The following GALNTL6 variants were observed in gnomAD, a reference collection of about 807,000 sequenced individuals.
GALNTL6 encodes the protein polypeptide N-acetylgalactosaminyltransferase like 6.
GALNTL6 carries 46 observed loss-of-function variants against 73.7 expected under a neutral mutation model. The observed-to-expected ratio is 0.62, with a 90% confidence interval of 0.49 to 0.80. GALNTL6 has a LOEUF of 0.80. Ranked by LOEUF, GALNTL6 falls within the 30% of genes least tolerant of loss-of-function variation. The pLI is 0.00. For synonymous variants in GALNTL6, 259 were observed against 263.7 expected, an observed-to-expected ratio of 0.98 and a Z score of 0.17; for missense variants, 604 against 755.0, an observed-to-expected ratio of 0.80 and a Z score of 2.34.
At chr4:172,994,252 A>C (rs1751675027) in intron 10 of GALNTL6, among the ~76,000 whole-genome samples, 1 of 152,186 alleles carries the variant, frequency 6.6e-6, no homozygotes, top group Non-Finnish European at 1.5e-5. Flanking sequence ...AATATCAATC[A>C]GTTTTCCCTA....
intron 2 of GALNTL6, among the ~76,000 whole-genome samples, chr4:172,025,805 ATGTT>A (rs2110810200): frequency 6.6e-6 from 1 of 151,288 alleles, no homozygotes; most frequent in South Asian, 2.1e-4. Context: ...GTGTGTGTGT[ATGTT>A]TGTGTGTGTG....
intron 5 of GALNTL6, among the ~76,000 whole-genome samples, chr4:172,378,042 G>A (rs2111274522): frequency 6.6e-6 from 1 of 152,134 alleles, no homozygotes; most frequent in East Asian, 1.9e-4. Flanking sequence ...GGATGCTGAG[G>A]CCGCTAAGCA....
chr4:172,863,073 A>G (rs1744480126), intron 7 of GALNTL6, among the ~76,000 whole-genome samples: 2 of 152,236 alleles, frequency 1.3e-5, no homozygotes, highest in South Asian at 4.1e-4. Flanking sequence ...AGAAGTCAAG[A>G]ACTCAGGTTT....
chr4:172,480,281 C>A (rs573054762), intron 5 of GALNTL6, among the ~76,000 whole-genome samples: 1 of 152,002 alleles, frequency 6.6e-6, no homozygotes, highest in South Asian at 2.1e-4. Flanking sequence ...CCACTGTACT[C>A]CAGCCTAGGC....
At chr4:172,526,184 T>C (rs1480086996) in intron 5 of GALNTL6, among the ~76,000 whole-genome samples, 1 of 152,212 alleles carries the variant, frequency 6.6e-6, no homozygotes, top group African/African-American at 2.4e-5. Context: ...AGCTTCCTAT[T>C]TATATATTTA....
intron 5 of GALNTL6, among the ~76,000 whole-genome samples, chr4:172,635,792 T>C (rs1013974018): frequency 1.3e-5 from 2 of 152,208 alleles, no homozygotes; most frequent in African/African-American, 4.8e-5. Flanking sequence ...TTATATCCAA[T>C]AACATTTCTG....
At chr4:172,125,617 T>C (rs7676263) in intron 2 of GALNTL6, among the ~76,000 whole-genome samples, 151,988 of 152,344 alleles carry the variant, frequency 1, 75,818 homozygotes, top group Middle Eastern at 1. Flanking sequence ...CCATCACTTA[T>C]TCAGACATTC....
intron 8 of GALNTL6, among the ~76,000 whole-genome samples, chr4:172,918,156 G>A (rs182677094): frequency 5.7e-4 from 86 of 152,154 alleles, no homozygotes; most frequent in African/African-American, 1.8e-3. Flanking sequence ...ACCAAACACC[G>A]CATGCTCTCA....
intron 5 of GALNTL6, among the ~76,000 whole-genome samples, chr4:172,699,841 T>C (rs1055063031): frequency 1.3e-4 from 20 of 152,206 alleles, no homozygotes; most frequent in Non-Finnish European, 2.9e-5. Flanking sequence ...TTTGTTTTCT[T>C]TTTCTCAGTA....
chr4:172,525,600 CACTT>C (rs1734923942), intron 5 of GALNTL6, among the ~76,000 whole-genome samples: 1 of 152,128 alleles, frequency 6.6e-6, no homozygotes. Flanking sequence ...CAGTGACTAA[CACTT>C]ACAATCCCAG....
chr4:172,639,067 T>C (rs563037266), intron 5 of GALNTL6, among the ~76,000 whole-genome samples: 23 of 152,258 alleles, frequency 1.5e-4, no homozygotes, highest in Non-Finnish European at 5.9e-5. Context: ...ACTTTGATCA[T>C]TTGGTCAAGG....
intron 2 of GALNTL6, among the ~76,000 whole-genome samples, chr4:171,853,444 CT>C (rs1449896312): frequency 6.6e-6 from 1 of 151,250 alleles, no homozygotes; most frequent in African/African-American, 2.4e-5. Flanking sequence ...TTCTTCCCTT[CT>C]TTTACTATGT....
chr4:172,245,093 A>T (rs1737576943), intron 3 of GALNTL6, among the ~76,000 whole-genome samples: 1 of 152,184 alleles, frequency 6.6e-6, no homozygotes, highest in Non-Finnish European at 1.5e-5. Flanking sequence ...AGGGATTGGA[A>T]TACAAATTAT....
intron 8 of GALNTL6, among the ~76,000 whole-genome samples, chr4:172,904,441 T>C (rs1746779391): frequency 6.6e-6 from 1 of 152,172 alleles, no homozygotes; most frequent in Non-Finnish European, 1.5e-5. Context: ...GAGGTTAATT[T>C]CCTACTTGCT....
intron 8 of GALNTL6, among the ~76,000 whole-genome samples, chr4:172,896,879 T>C (rs1388891599): frequency 6.6e-6 from 1 of 151,904 alleles, no homozygotes; most frequent in Non-Finnish European, 1.5e-5. Flanking sequence ...CTGGGCCTCC[T>C]AGAGATCTGC....
intron 2 of GALNTL6, among the ~76,000 whole-genome samples, chr4:172,011,738 C>A (rs1225422947): frequency 1.7e-4 from 26 of 151,766 alleles, no homozygotes; most frequent in Admixed American, 1.6e-3. Context: ...GGAAAAAGGT[C>A]ATTTGAAGAA....
chr4:173,032,190 C>T (rs1281210989), intron 12 of GALNTL6, among the ~76,000 whole-genome samples: 15 of 152,240 alleles, frequency 9.9e-5, no homozygotes, highest in Non-Finnish European at 5.9e-5. Flanking sequence ...TGGCTCACGC[C>T]TGTAATCCCA....
chr4:172,690,510 A>C (rs1162627536), intron 5 of GALNTL6, among the ~76,000 whole-genome samples: 1 of 152,202 alleles, frequency 6.6e-6, no homozygotes, highest in East Asian at 1.9e-4. Context: ...AACAATAAAA[A>C]ACAAATAAGG....
At chr4:172,128,363 C>T (rs1322272847) in intron 2 of GALNTL6, among the ~76,000 whole-genome samples, 2 of 151,998 alleles carry the variant, frequency 1.3e-5, no homozygotes, top group African/African-American at 4.8e-5. Flanking sequence ...GTAGATAAAA[C>T]ATACAAGAGG....
Sources: allele counts gnomAD v4.1 joint callset (sites outside exome capture counted in the v4.1 genomes callset), GRCh38; gene constraint gnomAD v4.1.1; transcripts MANE v1.5; gene names NCBI Gene and HGNC (gene_info 2026-07-23, HGNC 2026-07-21).